The following SUGCT variants were observed in gnomAD, a reference collection of about 807,000 sequenced individuals.
SUGCT encodes succinyl-CoA:glutarate CoA-transferase.
Under a neutral mutation model 55.0 loss-of-function variants are expected in SUGCT, and 41 were observed. The observed-to-expected ratio is 0.74, with a 90% CI of 0.58 to 0.97. The LOEUF is 0.97. SUGCT is among the 50% of genes least tolerant of loss of function. SUGCT has a pLI of 0.00. For missense variants in SUGCT, 568 were observed against 547.8 expected, an observed-to-expected ratio of 1.04 and a Z score of -0.37; for synonymous variants, 187 against 200.4, an observed-to-expected ratio of 0.93 and a Z score of 0.56.
intron 5 of SUGCT, among the ~76,000 whole-genome samples, chr7:40,193,991 G>A (rs1786098300): frequency 6.6e-6 from 1 of 151,954 alleles, no homozygotes; most frequent in South Asian, 2.1e-4. Context: ...TAAAATTAAG[G>A]TTTACAATGC....
chr7:40,290,308 A>C (rs1026819685), intron 8 of SUGCT, among the ~76,000 whole-genome samples: 1 of 152,196 alleles, frequency 6.6e-6, no homozygotes, highest in African/African-American at 2.4e-5. Context: ...CAAAACAGAG[A>C]TAGAGATCAA....
Position 40,244,066 on chromosome 7 carries a change from G to C in SUGCT, c.576+6340G>C, listed in dbSNP as rs571375574. On this transcript the variant is annotated intron_variant, in intron 7 of 13. Transcript: ENST00000335693. Reference sequence around the variant, plus strand: ...CAGGTGCCTGTAATCCCAGGTACTTGGGAGGCTGAGGCAAGAGAATCACTT... The same window carrying C: ...CAGGTGCCTGTAATCCCAGGTACTTCGGAGGCTGAGGCAAGAGAATCACTT... Among the ~76,000 whole-genome samples, 5 of 152,254 alleles carry C rather than the reference G, an allele frequency of 3.3e-5. No individual in the cohort carries two copies. The South Asian group carries it at 1.0e-3, about 32-fold the overall frequency.
chr7:40,469,794 G>A (rs1313822606), intron 11 of SUGCT, among the ~76,000 whole-genome samples: 4 of 152,072 alleles, frequency 2.6e-5, no homozygotes, highest in Non-Finnish European at 5.9e-5. Flanking sequence ...GGTGGTTGTG[G>A]GATATTTATA....
chr7:40,854,102 G>T (rs1793993123), intron 13 of SUGCT, among the ~76,000 whole-genome samples: 2 of 152,274 alleles, frequency 1.3e-5, no homozygotes, highest in Admixed American at 6.5e-5. Context: ...TTAAAATCTT[G>T]CCATATTTTG....
At chr7:40,546,366 G>T (rs532589825) in intron 12 of SUGCT, among the ~76,000 whole-genome samples, 2 of 152,056 alleles carry the variant, frequency 1.3e-5, no homozygotes, top group Admixed American at 6.6e-5. Context: ...ATTAAGACAG[G>T]CCTATTTCAA....
chr7:40,348,402 G>A (rs1046393844), intron 9 of SUGCT, among the ~76,000 whole-genome samples: 4 of 152,192 alleles, frequency 2.6e-5, no homozygotes, highest in East Asian at 1.9e-4. Flanking sequence ...ACCTCTGACC[G>A]TCTATGCCAA....
At chr7:40,613,827 C>T (rs753553839) in intron 12 of SUGCT, among the ~76,000 whole-genome samples, 13 of 152,178 alleles carry the variant, frequency 8.5e-5, no homozygotes, top group African/African-American at 3.1e-4. Context: ...TCAGGCTGGT[C>T]TCCATGTTGG....
intron 12 of SUGCT, among the ~76,000 whole-genome samples, chr7:40,658,258 A>G (rs1452441784): frequency 1.3e-5 from 2 of 152,008 alleles, no homozygotes; most frequent in Non-Finnish European, 1.5e-5. Flanking sequence ...AGGAGTCTCA[A>G]CTCTGAGATA....
the SUGCT span, among the ~76,000 whole-genome samples, chr7:40,937,065 T>G: frequency 2.0e-5 from 3 of 152,204 alleles, no homozygotes; most frequent in African/African-American, 2.4e-5. Flanking sequence ...TAATATGTAT[T>G]CTGCTGTTGT....
At chr7:40,185,527 C>CT (rs755450645) in intron 3 of SUGCT, among the ~76,000 whole-genome samples, 31 of 152,004 alleles carry the variant, frequency 2.0e-4, no homozygotes, top group Non-Finnish European at 2.2e-4. Context: ...GATTTATTGT[C>CT]TTCTTTTTTT....
chr7:40,146,522 A>G (rs1422627894), intron 1 of SUGCT, among the ~76,000 whole-genome samples: 2 of 152,284 alleles, frequency 1.3e-5, no homozygotes, highest in Non-Finnish European at 2.9e-5. Context: ...AAGATTTACT[A>G]AAAGTATTCC....
the SUGCT span, among the ~76,000 whole-genome samples, chr7:41,017,031 A>G: frequency 6.6e-5 from 10 of 152,168 alleles, no homozygotes; most frequent in Non-Finnish European, 1.3e-4. Flanking sequence ...TTTCCTTAGA[A>G]TCCTTTGGTC....
intron 12 of SUGCT, among the ~76,000 whole-genome samples, chr7:40,551,899 TACTTG>T (rs1381248854): frequency 1.3e-5 from 2 of 152,230 alleles, no homozygotes; most frequent in African/African-American, 4.8e-5. Context: ...GTCAGCATTG[TACTTG>T]ACTTGCAAGC....
chr7:40,758,281 AT>A (rs964531750), intron 13 of SUGCT, among the ~76,000 whole-genome samples: 22 of 149,282 alleles, frequency 1.5e-4, no homozygotes, highest in East Asian at 3.9e-4. Context: ...ATTTCATGGA[AT>A]TTTTTTTTTA....
intron 12 of SUGCT, among the ~76,000 whole-genome samples, chr7:40,624,769 GCAAA>G (rs1799437457): frequency 1.0e-5 from 1 of 98,316 alleles, no homozygotes. Context: ...ACGTTTCTGT[GCAAA>G]CACACACACA....
the SUGCT span, among the ~76,000 whole-genome samples, chr7:40,917,704 C>A: frequency 7.9e-5 from 12 of 152,300 alleles, 1 homozygote; most frequent in Non-Finnish European, 8.8e-5. Flanking sequence ...CATCCAAGAA[C>A]AAGGCACTGG....
the SUGCT span, among the ~76,000 whole-genome samples, chr7:40,872,882 C>T: frequency 1.3e-5 from 2 of 152,206 alleles, no homozygotes; most frequent in East Asian, 1.9e-4. Flanking sequence ...TTGATGTACA[C>T]ACTCTTCAGA....
chr7:40,893,877 A>G, the SUGCT span, among the ~76,000 whole-genome samples: 2 of 152,146 alleles, frequency 1.3e-5, no homozygotes, highest in East Asian at 3.9e-4. Context: ...CCTGGCAAAC[A>G]TGGCAAAACC....
intron 12 of SUGCT, among the ~76,000 whole-genome samples, chr7:40,565,727 C>T (rs1053119977): frequency 6.6e-6 from 1 of 152,072 alleles, no homozygotes; most frequent in African/African-American, 2.4e-5. Flanking sequence ...CCAACCTTCT[C>T]CTTCTACTTC....
Sources: allele counts gnomAD v4.1 joint callset (sites outside exome capture counted in the v4.1 genomes callset), GRCh38; gene constraint gnomAD v4.1.1; transcripts MANE v1.5; gene names NCBI Gene and HGNC (gene_info 2026-07-23, HGNC 2026-07-21).